SHBG: variants seen among roughly 807,000 people sequenced by gnomAD.
The protein encoded by SHBG is sex hormone binding globulin, also known as sex hormone-binding globulin.
A neutral mutation model predicts 41.9 loss-of-function variants in SHBG; 37 were observed. That is an observed-to-expected ratio of 0.88 (90% CI 0.68 to 1.16). The LOEUF (loss-of-function observed/expected upper bound fraction) is 1.16. Among genes scored for constraint, SHBG ranks in the 50% most tolerant of loss-of-function variants. The pLI, the probability that SHBG is intolerant of heterozygous loss-of-function variation, is 0.00. For missense variants in SHBG, 466 were observed against 499.9 expected, an observed-to-expected ratio of 0.93 and a Z score of 0.65; for synonymous variants, 217 against 205.8, an observed-to-expected ratio of 1.05 and a Z score of -0.47.
chr17:7,629,339 C>T (rs2072325135), upstream of SHBG, among the ~76,000 whole-genome samples: 1 of 151,040 alleles, frequency 6.6e-6, no homozygotes, highest in Admixed American at 6.6e-5. Context: ...GATCACGCCA[C>T]TGCACTCCAG....
chr17:7,627,408 C>A, upstream of SHBG: 1 of 1,614,106 alleles, frequency 6.2e-7, no homozygotes, highest in Non-Finnish European at 8.5e-7. This position sits in a 1 kb window ranked among gnomAD's most constrained non-coding sequence, Gnocchi z 4.8. Flanking sequence ...TCGAATTCGG[C>A]TAGCTCCTAA....
At chr17:7,632,362 T>C (rs1259711175) in intron 6 of SHBG, among the ~76,000 whole-genome samples, 1 of 152,008 alleles carries the variant, frequency 6.6e-6, no homozygotes, top group African/African-American at 2.4e-5. Flanking sequence ...GAGGTTCACT[T>C]GAGCCCAGGA....
upstream of SHBG, chr17:7,626,672 C>T: frequency 6.2e-7 from 1 of 1,611,554 alleles, no homozygotes; most frequent in Non-Finnish European, 8.5e-7. Flanking sequence ...GGTTTTCTCA[C>T]TCCCTCTTTC....
chr17:7,632,367 C>T (rs1446819334), intron 6 of SHBG, among the ~76,000 whole-genome samples: 1 of 151,964 alleles, frequency 6.6e-6, no homozygotes, highest in East Asian at 1.9e-4. Flanking sequence ...TCACTTGAGC[C>T]CAGGAGTTTG....
intron 1 of SHBG, among the ~76,000 whole-genome samples, chr17:7,620,291 C>A (rs886587398): frequency 4.6e-5 from 7 of 152,034 alleles, no homozygotes; most frequent in Non-Finnish European, 8.8e-5. Flanking sequence ...CATAGTGAGA[C>A]CTAGTCTCCA....
At chr17:7,621,094 C>CAAAAAAAA (rs61026446) in intron 1 of SHBG, among the ~76,000 whole-genome samples, 7 of 52,296 alleles carry the variant, frequency 1.3e-4, no homozygotes, top group Admixed American at 2.9e-4. Flanking sequence ...GACCCTGTCA[C>CAAAAAAAA]AAAAAAAAAA....
chr17:7,627,318 A>G, upstream of SHBG: 1 of 1,613,614 alleles, frequency 6.2e-7, no homozygotes, highest in Non-Finnish European at 8.5e-7. The surrounding 1 kb of genome is among the most constrained non-coding windows in gnomAD (Gnocchi z 4.8). Flanking sequence ...CCCATCCCTC[A>G]TTTCCTCCCC....
intron 1 of SHBG, among the ~76,000 whole-genome samples, chr17:7,615,595 G>A (rs1028402218): frequency 6.7e-6 from 1 of 148,822 alleles, no homozygotes; most frequent in Non-Finnish European, 1.5e-5. Context: ...GAGGTCCTCG[G>A]ATCACCTGAG....
upstream of SHBG, chr17:7,626,215 A>T: frequency 2.2e-6 from 1 of 456,504 alleles, no homozygotes. Flanking sequence ...AAGAAATAAA[A>T]GAAAGACCCA....
chr17:7,627,767 G>A, upstream of SHBG: 1 of 1,008,704 alleles, frequency 9.9e-7, no homozygotes, highest in Non-Finnish European at 1.5e-6. This position sits in a 1 kb window ranked among gnomAD's most constrained non-coding sequence, Gnocchi z 4.8. Context: ...GGGACGGCGG[G>A]GTAGCCGCGG....
chr17:7,630,575 T>C lies in SHBG; in HGVS notation c.203+68T>C. 6.4e-7 allele frequency: 1 copy of C among 1,550,776 alleles called. No homozygotes were observed. Among genetic ancestry groups the C allele is most frequent in the Non-Finnish European group, 8.9e-7 (1 of 1,123,214 alleles). On this transcript the variant is annotated intron_variant, in intron 2 of 7. Transcript: ENST00000380450. This position sits in a 1 kb window ranked among gnomAD's most constrained non-coding sequence, Gnocchi z 4.6. ...CCCTCTCTCCATCAGCTCTTCTCTT[T>C]TCCCTGTCTTCCTTTCCTTATCTGT...
upstream of SHBG, chr17:7,628,059 C>T (rs1156259454): frequency 4.3e-6 from 2 of 467,122 alleles, no homozygotes; most frequent in East Asian, 6.7e-5. Flanking sequence ...AGATACCCCG[C>T]GGTTCAAAGG....
At chr17:7,615,412 C>T (rs1025239310) in intron 1 of SHBG, among the ~76,000 whole-genome samples, 2 of 152,252 alleles carry the variant, frequency 1.3e-5, no homozygotes, top group Admixed American at 6.5e-5. Flanking sequence ...GCTTTACCCT[C>T]TTCGCGTATG....
intron 1 of SHBG, among the ~76,000 whole-genome samples, chr17:7,615,323 T>G (rs1479463599): frequency 2.0e-5 from 3 of 151,900 alleles, no homozygotes; most frequent in Admixed American, 6.6e-5. Flanking sequence ...TTGTCTTTCT[T>G]GGTGCGCACG....
At chr17:7,618,220 C>T (rs1381858881) in intron 1 of SHBG, among the ~76,000 whole-genome samples, 1 of 149,994 alleles carries the variant, frequency 6.7e-6, no homozygotes, top group Non-Finnish European at 1.5e-5. Context: ...AAGATTCTGT[C>T]TCAAAAAAAA....
rs747504853 is a variant in SHBG at position 7,633,210 on chromosome 17, A to G, written c.1067A>G (p.Asp356Gly). 2 of 1,613,770 alleles carry G rather than the reference A, an allele frequency of 1.2e-6. No homozygotes were observed. Among genetic ancestry groups the G allele is most frequent in the South Asian group, 2.2e-5 (2 of 91,054 alleles). The change falls in exon 8 of 8, where the codon GAC becomes GGC. Residue 356 changes from aspartate to glycine, a missense_variant. Asp to Gly is a moderately conservative substitution (Grantham distance 94). Coordinates refer to ENST00000380450, the MANE Select transcript of SHBG (RefSeq NM_001040.5). ...TTGCACTACCTCCCTCTAGGAGAAG[A>G]CTCTTCCACCTCTTTTTGCCTGAAT... The part of the protein sequence containing the change: ...RLFLGALPGE[D>G]SSTSFCLNGL...
upstream of SHBG, chr17:7,627,823 G>A (rs1296824319): frequency 1.4e-6 from 1 of 690,910 alleles, no homozygotes; most frequent in Non-Finnish European, 2.6e-6. The surrounding 1 kb of genome is among the most constrained non-coding windows in gnomAD (Gnocchi z 4.8). Flanking sequence ...GGAGGAGAGA[G>A]TAGGCCAGCG....
intron 1 of SHBG, among the ~76,000 whole-genome samples, chr17:7,615,658 C>CG (rs1491368369): frequency 9.7e-6 from 1 of 103,056 alleles, no homozygotes; most frequent in Non-Finnish European, 2.0e-5. Context: ...CCCCCCCCCC[C>CG]ACCCCGCATC....
intron 1 of SHBG, among the ~76,000 whole-genome samples, chr17:7,618,192 C>T (rs1474361390): frequency 6.7e-6 from 1 of 149,542 alleles, no homozygotes; most frequent in African/African-American, 2.4e-5. Context: ...GCACTACATA[C>T]AGCCTGGGTG....
Sources: gnomAD v4.1 joint callset for allele counts (sites outside exome capture counted in the v4.1 genomes callset) on GRCh38, gnomAD v4.1.1 for gene constraint, Gnocchi (gnomAD v3.1) non-coding constraint, MANE v1.5 for transcripts, NCBI Gene and HGNC (gene_info 2026-07-23, HGNC 2026-07-21) for gene names.